PTPN12: variants seen among roughly 807,000 people sequenced by gnomAD.
The protein encoded by PTPN12 is protein tyrosine phosphatase non-receptor type 12, also known as tyrosine-protein phosphatase non-receptor type 12.
Under a neutral mutation model 97.6 loss-of-function variants are expected in PTPN12, and 29 were observed. The observed-to-expected ratio is 0.30, with a 90% CI of 0.22 to 0.41. The LOEUF (loss-of-function observed/expected upper bound fraction) is 0.41. Ranked by LOEUF, PTPN12 falls within the 10% of genes least tolerant of loss-of-function variation. PTPN12 has a pLI of 1.00. For synonymous variants in PTPN12, 327 were observed against 300.4 expected, an observed-to-expected ratio of 1.09 and a Z score of -0.91; for missense variants, 819 against 926.0, an observed-to-expected ratio of 0.88 and a Z score of 1.50.
intron 1 of PTPN12, among the ~76,000 whole-genome samples, chr7:77,547,975 AGT>A (rs1193884066): frequency 6.6e-6 from 1 of 152,302 alleles, no homozygotes; most frequent in East Asian, 1.9e-4. Flanking sequence ...TGTGTTCCTG[AGT>A]GTTTTGATGA....
intron 2 of PTPN12, among the ~76,000 whole-genome samples, chr7:77,577,445 T>TA (rs1343325063): frequency 6.6e-6 from 1 of 152,116 alleles, no homozygotes; most frequent in Non-Finnish European, 1.5e-5. Flanking sequence ...TATAATGCCC[T>TA]ATTTTTTTTT....
Position 77,537,466 on chromosome 7 carries a change from C to G in PTPN12, c.-81C>G, listed in dbSNP as rs1436147147. On this transcript the variant is annotated 5_prime_UTR_variant, in exon 1 of 18. Coordinates refer to ENST00000248594, the MANE Select transcript of PTPN12 (RefSeq NM_002835.4). The stretch of plus-strand genomic sequence containing the variant: ...GGGAGGGACGTGCTGGGGGAACGAG[C>G]TGGGGAAGACGGAGCGGGCTCTGTG... 4.1e-6 allele frequency: 5 copies of G among 1,214,760 alleles called. No individual in the cohort carries two copies. The Admixed American group carries it at 9.9e-5, about 24-fold the overall frequency. The allele number at this position is 1,214,760 out of a possible 1,614,324, so 75.2% of individuals were successfully genotyped here.
At chr7:77,577,170 A>G (rs1360946201) in intron 2 of PTPN12, among the ~76,000 whole-genome samples, 2 of 152,176 alleles carry the variant, frequency 1.3e-5, no homozygotes, top group Non-Finnish European at 2.9e-5. Flanking sequence ...GCTTCCTTCC[A>G]GTAGTCCCAT....
At chr7:77,611,115 T>G (rs373848947) in intron 11 of PTPN12, 69 bp downstream of exon 11, 3 of 1,246,820 alleles carry the variant, frequency 2.4e-6, no homozygotes, top group African/African-American at 3.0e-5. Context: ...TTTAGCCTTT[T>G]TTTTGTTGTC....
At chr7:77,629,851 A>G (rs1789335134) in intron 13 of PTPN12, among the ~76,000 whole-genome samples, 1 of 151,738 alleles carries the variant, frequency 6.6e-6, no homozygotes, top group Admixed American at 6.6e-5. Context: ...TGAGGTAGGA[A>G]GATCACTTGA....
At chr7:77,629,298 G>A (rs1789315163) in intron 13 of PTPN12, among the ~76,000 whole-genome samples, 1 of 152,134 alleles carries the variant, frequency 6.6e-6, no homozygotes, top group Non-Finnish European at 1.5e-5. Context: ...ATCTTTTCTT[G>A]ATTTATCTTT....
rs770919729 is a variant in PTPN12, at chr7:77,635,812, T to C, written c.2105T>C (p.Leu702Pro). The C allele has an allele frequency of 8.7e-6, 14 of 1,608,672 alleles. No homozygotes were observed. The Admixed American group carries it at 1.0e-4, about 12-fold the overall frequency. Reference protein sequence around the residue: ...NTPVRSEWSELQSQERSEQKK... With the variant: ...NTPVRSEWSEPQSQERSEQKK... ...CCTGTAAGATCGGAATGGAGTGAACTTCAAAGTCAGGAACGATCTGAACAA... is the reference window on the plus strand; with the variant it reads ...CCTGTAAGATCGGAATGGAGTGAACCTCAAAGTCAGGAACGATCTGAACAA... Residue 702 changes from leucine to proline, a missense_variant, in exon 15 of 18, where the codon CTT becomes CCT. By Grantham distance (98) the Leu-to-Pro change is moderately conservative (BLOSUM62 -3). Coordinates refer to ENST00000248594, the MANE Select transcript of PTPN12 (RefSeq NM_002835.4).
chr7:77,625,036 G>A (rs796901428), intron 12 of PTPN12, among the ~76,000 whole-genome samples: 9 of 152,148 alleles, frequency 5.9e-5, no homozygotes, highest in African/African-American at 1.9e-4. Flanking sequence ...TCAGGAGGTT[G>A]AAGCACAAGA....
chr7:77,607,398 A>G, intron 9 of PTPN12, 97 bp downstream of exon 9: 1 of 918,978 alleles, frequency 1.1e-6, no homozygotes, highest in Non-Finnish European at 1.6e-6. Context: ...ATTTTATTAT[A>G]CATGTTATTT....
At chr7:77,585,421 C>T in intron 4 of PTPN12, 122 bp from the exon 5 acceptor site, 1 of 764,496 alleles carries the variant, frequency 1.3e-6, no homozygotes, top group East Asian at 2.7e-5. Flanking sequence ...ATTGAAACTA[C>T]TTTTTTAGGC....
At chr7:77,571,263 C>T in intron 2 of PTPN12, 77 bp downstream of exon 2, 1 of 792,528 alleles carries the variant, frequency 1.3e-6, no homozygotes, top group Non-Finnish European at 2.0e-6. Flanking sequence ...TTTATTCTTC[C>T]TGAGTTTCAC....
intron 8 of PTPN12, chr7:77,601,015 G>T: frequency 2.0e-6 from 1 of 492,928 alleles, no homozygotes; most frequent in South Asian, 3.0e-5. Context: ...TCATCTATTT[G>T]AAAATAGTAT....
At chr7:77,631,996 G>A (rs898263611) in intron 13 of PTPN12, among the ~76,000 whole-genome samples, 2 of 152,118 alleles carry the variant, frequency 1.3e-5, no homozygotes, top group South Asian at 2.1e-4. Flanking sequence ...GTTTCATAAC[G>A]CAAATGACCA....
chr7:77,605,846 A>C (rs775452649), intron 8 of PTPN12, among the ~76,000 whole-genome samples: 1 of 151,338 alleles, frequency 6.6e-6, no homozygotes, highest in Non-Finnish European at 1.5e-5. Context: ...CTGTTGCTCA[A>C]TCCGTTTTCT....
chr7:77,549,180 C>G (rs1459510870), intron 1 of PTPN12, among the ~76,000 whole-genome samples: 2 of 152,036 alleles, frequency 1.3e-5, no homozygotes, highest in Non-Finnish European at 2.9e-5. Context: ...AAGGAAGGAA[C>G]TTTTTTTAGA....
At chr7:77,592,160 A>C in intron 5 of PTPN12, 25 bp from the exon 6 acceptor site, 1 of 1,553,730 alleles carries the variant, frequency 6.4e-7, no homozygotes, top group African/African-American at 1.4e-5. Flanking sequence ...TGAATTACTT[A>C]CTAATTTTTT....
rs11341609 is a variant in PTPN12, at chr7:77,582,084, C to CTTT, written c.285+607_285+609dup. ...CCCTTTGATGAAAAGCAGTCAAGTT[C>CTTT]TTTTTTTTTTTTTTTTTTTTTTTTT... On this transcript the variant is annotated intron_variant, in intron 3 of 17. Coordinates refer to ENST00000248594, the MANE Select transcript of PTPN12 (RefSeq NM_002835.4). 4.7e-3 allele frequency among the ~76,000 whole-genome samples: 250 copies of CTTT among 52,860 alleles called. 47 individuals are homozygous for CTTT. Among genetic ancestry groups the CTTT allele is most frequent in the African/African-American group, 0.018 (239 of 13,162 alleles). The allele number at this position is 52,860 out of a possible 152,430, so 34.7% of individuals were successfully genotyped here.
chr7:77,609,221 A>G (rs1788477156), intron 9 of PTPN12, among the ~76,000 whole-genome samples: 1 of 152,018 alleles, frequency 6.6e-6, no homozygotes, highest in South Asian at 2.1e-4. Context: ...CTCCGTCTCA[A>G]AAAATAAAAT....
chr7:77,584,168 A>C (rs952824557), intron 4 of PTPN12, among the ~76,000 whole-genome samples: 5 of 152,224 alleles, frequency 3.3e-5, no homozygotes, highest in African/African-American at 1.2e-4. Flanking sequence ...GAGCTACCCT[A>C]TACTGCTCTG....
Sources: gnomAD v4.1 joint callset for allele counts (sites outside exome capture counted in the v4.1 genomes callset) on GRCh38, gnomAD v4.1.1 for gene constraint, MANE v1.5 for transcripts, NCBI Gene and HGNC (gene_info 2026-07-23, HGNC 2026-07-21) for gene names.